Variants in GRIN2B observed in about 807,000 individuals in gnomAD.
GRIN2B encodes the protein glutamate ionotropic receptor NMDA type subunit 2B.
GRIN2B carries 5 observed loss-of-function variants against 114.5 expected under a neutral mutation model. The observed-to-expected ratio is 0.04, with a 90% CI of 0.02 to 0.09. GRIN2B has a LOEUF of 0.09. Among genes scored for constraint, GRIN2B ranks in the 10% least tolerant of loss-of-function variants. The pLI, the probability that GRIN2B is intolerant of heterozygous loss-of-function variation, is 1.00. For synonymous variants in GRIN2B, 787 were observed against 745.1 expected, an observed-to-expected ratio of 1.06 and a Z score of -0.92; for missense variants, 1,108 against 1,943.5, an observed-to-expected ratio of 0.57 and a Z score of 8.08.
intron 2 of GRIN2B, among the ~76,000 whole-genome samples, chr12:13,885,111 CAGTA>C (rs1408725164): frequency 6.6e-6 from 1 of 151,954 alleles, no homozygotes; most frequent in East Asian, 1.9e-4. Flanking sequence ...GGGTAAAACA[CAGTA>C]AGATGTGAAA....
intron 3 of GRIN2B, among the ~76,000 whole-genome samples, chr12:13,851,979 G>A (rs1296978725): frequency 6.6e-6 from 1 of 152,164 alleles, no homozygotes; most frequent in Non-Finnish European, 1.5e-5. Flanking sequence ...AAACCACAGT[G>A]CAGCCTGGCT....
intron 4 of GRIN2B, among the ~76,000 whole-genome samples, chr12:13,676,809 T>C (rs1021257146): frequency 6.6e-6 from 1 of 152,136 alleles, no homozygotes; most frequent in Non-Finnish European, 1.5e-5. Context: ...TATGACAGGA[T>C]GCATCTGGAA....
chr12:13,704,637 C>G (rs1950342738), intron 4 of GRIN2B, among the ~76,000 whole-genome samples: 1 of 152,086 alleles, frequency 6.6e-6, no homozygotes, highest in African/African-American at 2.4e-5. Flanking sequence ...TGAACTCCTT[C>G]CTTGCCAGTT....
intron 4 of GRIN2B, among the ~76,000 whole-genome samples, chr12:13,725,291 G>A (rs913876042): frequency 3.3e-5 from 5 of 152,148 alleles, no homozygotes; most frequent in African/African-American, 9.7e-5. Flanking sequence ...AGAAGAATGA[G>A]AGGAAAGAAA....
Position 13,688,616 on chromosome 12 carries a change from C to T in GRIN2B, c.1011-12757G>A, listed in dbSNP as rs936894199. Among the ~76,000 whole-genome samples, 51 of 152,114 alleles carry T rather than the reference C, an allele frequency of 3.4e-4. 2 individuals are homozygous for T. Among genetic ancestry groups the T allele is most frequent in the African/African-American group, 2.4e-5 (1 of 41,420 alleles). ...CTTATAGAGGAATTAATTCTTAGAT[C>T]GTGCTCTGGAAGGAAGTCAGTTATG... On this transcript the variant is annotated intron_variant, in intron 4 of 13. Coordinates refer to ENST00000609686, the MANE Select transcript of GRIN2B (RefSeq NM_000834.5).
intron 4 of GRIN2B, among the ~76,000 whole-genome samples, chr12:13,745,235 C>A (rs935848043): frequency 2.0e-5 from 3 of 152,132 alleles, no homozygotes; most frequent in African/African-American, 7.2e-5. Context: ...GAAATGACAG[C>A]ACTCCAGCTT....
At chr12:13,905,553 G>C (rs1331712251) in intron 2 of GRIN2B, among the ~76,000 whole-genome samples, 1 of 152,144 alleles carries the variant, frequency 6.6e-6, no homozygotes, top group East Asian at 1.9e-4. Context: ...TCTGCACTCT[G>C]TTGTTTCCTC....
chr12:13,831,314 G>C (rs1421545187), intron 3 of GRIN2B, among the ~76,000 whole-genome samples: 3 of 152,172 alleles, frequency 2.0e-5, no homozygotes, highest in African/African-American at 7.2e-5. Context: ...TAAGACAGCA[G>C]GCAAGTTAAT....
intron 2 of GRIN2B, among the ~76,000 whole-genome samples, chr12:13,965,250 T>C (rs1039925180): frequency 3.3e-5 from 5 of 152,220 alleles, no homozygotes; most frequent in African/African-American, 1.2e-4. Context: ...CTCTTTAAGG[T>C]AACTGAAAGG....
intron 4 of GRIN2B, among the ~76,000 whole-genome samples, chr12:13,750,762 C>T (rs905748284): frequency 5.3e-5 from 8 of 152,074 alleles, no homozygotes; most frequent in Non-Finnish European, 1.0e-4. Context: ...TCTTGGAGGG[C>T]GTCATTCACT....
At chr12:13,691,420 C>T (rs1157720358) in intron 4 of GRIN2B, among the ~76,000 whole-genome samples, 7 of 152,166 alleles carry the variant, frequency 4.6e-5, no homozygotes, top group Admixed American at 6.5e-5. Context: ...TCTCTCTGAA[C>T]CACAGTAAAG....
At chr12:13,862,556 T>G (rs960908755) in intron 3 of GRIN2B, among the ~76,000 whole-genome samples, 1 of 152,238 alleles carries the variant, frequency 6.6e-6, no homozygotes, top group East Asian at 1.9e-4. Flanking sequence ...CACTTTCAAA[T>G]GTTTTTTGTC....
intron 2 of GRIN2B, among the ~76,000 whole-genome samples, chr12:13,979,246 G>A (rs16909621): frequency 0.061 from 9,304 of 152,030 alleles, 368 homozygotes; most frequent in African/African-American, 0.11. Flanking sequence ...CCTCCTTTCC[G>A]AGCTTAAGAT....
chr12:13,961,953 T>C (rs556098061), intron 2 of GRIN2B, among the ~76,000 whole-genome samples: 82 of 152,306 alleles, frequency 5.4e-4, no homozygotes, highest in African/African-American at 1.8e-3. Flanking sequence ...TAGAACCACC[T>C]GAGCAGCATT....
intron 4 of GRIN2B, among the ~76,000 whole-genome samples, chr12:13,746,935 C>T (rs1413555273): frequency 6.6e-6 from 1 of 152,186 alleles, no homozygotes; most frequent in Non-Finnish European, 1.5e-5. Context: ...CAGATGCTGG[C>T]ACCGTGCCTC....
chr12:13,746,443 C>T, intron 4 of GRIN2B, among the ~76,000 whole-genome samples: 1 of 152,144 alleles, frequency 6.6e-6, no homozygotes, highest in Non-Finnish European at 1.5e-5. Flanking sequence ...CTCGGGTTTG[C>T]TTCTGCCTTC....
chr12:13,676,583 C>A (rs2136541754), intron 4 of GRIN2B, among the ~76,000 whole-genome samples: 1 of 152,094 alleles, frequency 6.6e-6, no homozygotes, highest in South Asian at 2.1e-4. Flanking sequence ...CAATTGCTAT[C>A]AAAAAACAAA....
chr12:13,634,205 TA>T (rs1949644181), intron 5 of GRIN2B: 2 of 152,208 alleles, frequency 1.3e-5, no homozygotes, highest in South Asian at 4.1e-4. Context: ...CTGCAGGGGA[TA>T]CGGTAGGGGA....
chr12:13,887,553 T>G (rs1866186037), intron 2 of GRIN2B, among the ~76,000 whole-genome samples: 1 of 152,126 alleles, frequency 6.6e-6, no homozygotes, highest in African/African-American at 2.4e-5. Context: ...AGTAGAAAAA[T>G]AAATAAATAA....
Sources: gnomAD v4.1 joint callset for allele counts (sites outside exome capture counted in the v4.1 genomes callset) on GRCh38, gnomAD v4.1.1 for gene constraint, MANE v1.5 for transcripts, NCBI Gene and HGNC (gene_info 2026-07-23, HGNC 2026-07-21) for gene names.